DCBLD2: variants seen among roughly 807,000 people sequenced by gnomAD.
DCBLD2 encodes discoidin, CUB and LCCL domain-containing protein 2.
DCBLD2 carries 54 observed loss-of-function variants against 86.8 expected under a neutral mutation model. The observed-to-expected ratio is 0.62, with a 90% CI of 0.50 to 0.78. The LOEUF (loss-of-function observed/expected upper bound fraction) is 0.78. Among genes scored for constraint, DCBLD2 ranks in the 30% least tolerant of loss-of-function variants. The probability of loss-of-function intolerance (pLI) is 0.00; values close to 1 mark genes in which losing one functional copy is unlikely to be tolerated. For missense variants in DCBLD2, 908 were observed against 954.2 expected (o/e 0.95, Z 0.64); for synonymous variants, 354 against 341.3 (o/e 1.04, Z -0.41).
intron 1 of DCBLD2, chr3:98,900,757 C>T (rs959289011): frequency 3.6e-6 from 1 of 275,684 alleles, no homozygotes; most frequent in African/African-American, 2.3e-5. Context: ...AATTAACCTG[C>T]CTTCCTACAG....
At chr3:98,801,768 A>C in intron 13 of DCBLD2, 119 bp from the exon 14 acceptor site, 7 of 658,444 alleles carry the variant, frequency 1.1e-5, no homozygotes, top group East Asian at 2.9e-5. Context: ...AAGTGTTCTC[A>C]TTGTTCAATT....
rs1942076671 is a variant in DCBLD2, at chr3:98,819,298, C to CT, written c.990dup (p.Ala331SerfsTer16). ...GGCGGTCCAGGTTTTTTCAGCCTGGCTTTTTTGGGTTTCCAACTGTTCTCT... is the reference window on the plus strand; with the variant it reads ...GGCGGTCCAGGTTTTTTCAGCCTGGCTTTTTTTGGGTTTCCAACTGTTCTCT... On this transcript the variant is annotated frameshift_variant, in exon 8 of 16. Coordinates refer to ENST00000326840, the MANE Select transcript of DCBLD2 (RefSeq NM_080927.4). LOFTEE classifies it high-confidence loss of function. The CT allele has an allele frequency of 6.2e-7, 1 of 1,613,776 alleles. No individual in the cohort carries two copies. Among genetic ancestry groups the CT allele is most frequent in the Non-Finnish European group, 8.5e-7 (1 of 1,179,816 alleles).
rs1369857448 is a variant in DCBLD2, at chr3:98,799,378, G to T, written c.2322C>A (p.Ile774=). Residue 774 remains isoleucine (I), a synonymous_variant, in exon 16 of 16, where the codon ATC becomes ATA. Transcript: ENST00000326840. ...RDGECDVFKE[I]L is the part of the protein sequence containing the mutation. ...GTAAAAAGCAGCATCATCTTCAAAG[G>T]ATTTCTTTAAAAACATCACATTCCC... 2.4e-5 allele frequency: 39 copies of T among 1,603,942 alleles called. No homozygotes were observed. The highest frequency in any genetic ancestry group is 3.2e-5 in the Non-Finnish European group (37 of 1,174,096).
At chr3:98,895,051 G>A (rs905877430) in intron 1 of DCBLD2, among the ~76,000 whole-genome samples, 1 of 151,976 alleles carries the variant, frequency 6.6e-6, no homozygotes, top group East Asian at 1.9e-4. Context: ...ATTTCAAGTA[G>A]AGGAAACTGC....
intron 2 of DCBLD2, among the ~76,000 whole-genome samples, chr3:98,880,163 T>C (rs1168484812): frequency 2.0e-5 from 3 of 152,048 alleles, no homozygotes; most frequent in Non-Finnish European, 2.9e-5. Context: ...AGTTTATCAA[T>C]CAGCAGCCTG....
At chr3:98,838,099 A>AC (rs1942513960) in intron 3 of DCBLD2, among the ~76,000 whole-genome samples, 2 of 105,830 alleles carry the variant, frequency 1.9e-5, no homozygotes, top group African/African-American at 3.5e-5. Context: ...CGGGGGCTGA[A>AC]CCCCCCACCT....
At chr3:98,815,978 A>C (rs1001722819) in intron 9 of DCBLD2, 1 of 151,360 alleles carries the variant, frequency 6.6e-6, no homozygotes, top group African/African-American at 2.4e-5. Flanking sequence ...AAAGAACTAC[A>C]ATTTTCTAAA....
chr3:98,824,186 G>A (rs926605987), intron 4 of DCBLD2, among the ~76,000 whole-genome samples: 9 of 152,158 alleles, frequency 5.9e-5, no homozygotes, highest in Admixed American at 3.9e-4. Flanking sequence ...GTAAAAATAG[G>A]AAGCCAGTAA....
At chr3:98,897,839 C>G (rs1358683815) in intron 1 of DCBLD2, among the ~76,000 whole-genome samples, 1 of 152,032 alleles carries the variant, frequency 6.6e-6, no homozygotes, top group East Asian at 1.9e-4. Flanking sequence ...AGAAAGTAGG[C>G]AAGCCTTCCA....
At chr3:98,818,283 TC>T (rs1942058780) in intron 8 of DCBLD2, among the ~76,000 whole-genome samples, 1 of 152,186 alleles carries the variant, frequency 6.6e-6, no homozygotes, top group African/African-American at 2.4e-5. Flanking sequence ...AACCAATTAT[TC>T]CGACCATTTG....
chr3:98,881,154 C>T (rs979698802), intron 2 of DCBLD2, among the ~76,000 whole-genome samples: 4 of 150,112 alleles, frequency 2.7e-5, no homozygotes, highest in African/African-American at 4.9e-5. Context: ...CTTGGGAGGC[C>T]GAGGCAGGAG....
chr3:98,844,436 C>A (rs545494847), intron 3 of DCBLD2, among the ~76,000 whole-genome samples: 1 of 151,734 alleles, frequency 6.6e-6, no homozygotes, highest in East Asian at 1.9e-4. Flanking sequence ...TGGCTCACTG[C>A]AACCTTCGCC....
At chr3:98,842,932 T>C (rs1023660215) in intron 3 of DCBLD2, among the ~76,000 whole-genome samples, 2 of 152,146 alleles carry the variant, frequency 1.3e-5, no homozygotes, top group Non-Finnish European at 2.9e-5. Context: ...CAAACACGTA[T>C]GTAGTCTCTT....
intron 6 of DCBLD2, among the ~76,000 whole-genome samples, chr3:98,821,928 C>T (rs1942126287): frequency 6.6e-6 from 1 of 152,134 alleles, no homozygotes; most frequent in South Asian, 2.1e-4. Context: ...CACCTGTAAT[C>T]CCAGCTACTT....
chr3:98,845,836 T>G (rs1479120782), intron 3 of DCBLD2, among the ~76,000 whole-genome samples: 2 of 152,230 alleles, frequency 1.3e-5, no homozygotes, highest in Non-Finnish European at 2.9e-5. Flanking sequence ...TTCTGTAGAA[T>G]GTTTTTCCTT....
intron 1 of DCBLD2, among the ~76,000 whole-genome samples, chr3:98,891,352 A>C (rs1165206329): frequency 6.6e-6 from 1 of 152,018 alleles, no homozygotes; most frequent in Non-Finnish European, 1.5e-5. Flanking sequence ...TCAATATTAA[A>C]CTGACTTGGC....
In DCBLD2 at chr3:98,881,732, T is replaced by C. The variant is rs1943474397; in HGVS notation, c.241A>G (p.Ser81Gly). 1 of 1,613,878 alleles carries C rather than the reference T, an allele frequency of 6.2e-7. No homozygotes were observed. ...GCGHTVLGPESGTLTSINYPQ... is the reference protein window; with the variant it reads ...GCGHTVLGPEGGTLTSINYPQ... ...TAGTTTATGGATGTAAGGGTTCCAC[T>C]CTCAGGGCCTAGTACAGTGTGTCCA... is the stretch of plus-strand genomic sequence containing the variant. Residue 81 changes from serine to glycine, a missense_variant, in exon 2 of 16, where the codon AGT (serine) becomes GGT (glycine). Transcript: ENST00000326840.
chr3:98,891,938 G>A (rs543914203), intron 1 of DCBLD2, among the ~76,000 whole-genome samples: 87 of 151,960 alleles, frequency 5.7e-4, no homozygotes, highest in Non-Finnish European at 1.0e-3. Flanking sequence ...TTTATGTCAG[G>A]TTACCATACC....
intron 2 of DCBLD2, among the ~76,000 whole-genome samples, chr3:98,880,458 G>A (rs1943445683): frequency 6.6e-6 from 1 of 152,152 alleles, no homozygotes; most frequent in African/African-American, 2.4e-5. Context: ...AGGTACTGAT[G>A]CCTAAATCAA....
Sources: gnomAD v4.1 joint callset for allele counts (sites outside exome capture counted in the v4.1 genomes callset) on GRCh38, gnomAD v4.1.1 for gene constraint, MANE v1.5 for transcripts, NCBI Gene and HGNC (gene_info 2026-07-23, HGNC 2026-07-21) for gene names.